The following GAS2 variants were observed in gnomAD, a reference collection of about 807,000 sequenced individuals.
GAS2 encodes the protein growth arrest specific 2.
In GAS2, 20 loss-of-function variants were observed where a neutral mutation model predicts 37.5. That is an observed-to-expected ratio of 0.53 (90% CI 0.37 to 0.77). The LOEUF is 0.77. Ranked by LOEUF, GAS2 falls within the 30% of genes least tolerant of loss-of-function variation. The pLI is 0.00. For missense variants in GAS2, 336 were observed against 373.4 expected, an observed-to-expected ratio of 0.90 and a Z score of 0.82; for synonymous variants, 144 against 132.2, an observed-to-expected ratio of 1.09 and a Z score of -0.61.
chr11:22,724,438 T>C (rs1156661477), intron 3 of GAS2, among the ~76,000 whole-genome samples: 1 of 152,016 alleles, frequency 6.6e-6, no homozygotes, highest in Non-Finnish European at 1.5e-5. Flanking sequence ...CTATTTTATG[T>C]GTAGAATATA....
intron 7 of GAS2, among the ~76,000 whole-genome samples, chr11:22,758,544 C>T (rs1160394702): frequency 1.3e-5 from 2 of 152,098 alleles, no homozygotes; most frequent in Non-Finnish European, 2.9e-5. Context: ...TCACTTAAGG[C>T]TAATGAGACT....
At chr11:22,668,245 C>G (rs1396065453) in intron 1 of GAS2, 1 of 152,460 alleles carries the variant, frequency 6.6e-6, no homozygotes, top group African/African-American at 2.4e-5. Context: ...AACTCCTTCT[C>G]AAGGAATGCT....
chr11:22,745,577 G>A (rs1458726081), intron 5 of GAS2, among the ~76,000 whole-genome samples: 5 of 152,062 alleles, frequency 3.3e-5, no homozygotes, highest in South Asian at 2.1e-4. Flanking sequence ...CAATTGCAAC[G>A]AAAACAAAAA....
At chr11:22,759,672 T>C (rs905043141) in intron 7 of GAS2, among the ~76,000 whole-genome samples, 5 of 152,322 alleles carry the variant, frequency 3.3e-5, no homozygotes, top group African/African-American at 1.2e-4. Context: ...ACAGCGATGA[T>C]AAAACCTTCT....
chr11:22,751,730 T>A (rs1354913600), intron 6 of GAS2, among the ~76,000 whole-genome samples: 1 of 151,884 alleles, frequency 6.6e-6, no homozygotes, highest in East Asian at 1.9e-4. Flanking sequence ...TATCTGGCAA[T>A]CCTTGAGATG....
chr11:22,798,161 A>C (rs200597346), intron 7 of GAS2, among the ~76,000 whole-genome samples: 2 of 152,078 alleles, frequency 1.3e-5, no homozygotes, highest in Non-Finnish European at 2.9e-5. Context: ...AATGCAAACC[A>C]CTTAGAGTTG....
At chr11:22,650,782 T>C (rs2133830953) in intron 1 of GAS2, among the ~76,000 whole-genome samples, 1 of 152,336 alleles carries the variant, frequency 6.6e-6, no homozygotes, top group South Asian at 2.1e-4. Flanking sequence ...TAGATCTTCC[T>C]CCATCCTTTT....
rs1471968085 is a variant in GAS2 at position 22,641,218 on chromosome 11, A to ATATATG, written c.-21+15406_-21+15407insATATGT. Among the ~76,000 whole-genome samples, 727 of 142,176 alleles carry ATATATG rather than the reference A, an allele frequency of 5.1e-3. 10 individuals carry two copies. Among genetic ancestry groups the ATATATG allele is most frequent in the African/African-American group, 0.017 (662 of 39,146 alleles). 93.3% of individuals were successfully genotyped at this position (142,176 alleles called of 152,430 possible). On this transcript the variant is annotated intron_variant, in intron 1 of 5. Coordinates refer to the GAS2 transcript ENST00000528582. ...TCTTTCTTTATATATATATATATAT[A>ATATATG]TGTGTGTGTGTATATATATATGTGT...
intron 1 of GAS2, among the ~76,000 whole-genome samples, chr11:22,674,487 A>C (rs1385110427): frequency 1.3e-5 from 2 of 152,224 alleles, no homozygotes; most frequent in Non-Finnish European, 2.9e-5. Flanking sequence ...ATGGTTTTAA[A>C]TAGCCCAAAC....
intron 2 of GAS2, among the ~76,000 whole-genome samples, chr11:22,683,473 C>T (rs1185263462): frequency 6.6e-6 from 1 of 152,080 alleles, no homozygotes; most frequent in African/African-American, 2.4e-5. Flanking sequence ...ACCAAGTTAG[C>T]CAAGTTGGTC....
intron 7 of GAS2, among the ~76,000 whole-genome samples, chr11:22,804,196 T>C (rs1219798492): frequency 6.6e-6 from 1 of 151,966 alleles, no homozygotes; most frequent in African/African-American, 2.4e-5. Flanking sequence ...AAACAGAGAA[T>C]GGTTAGAGTC....
intron 5 of GAS2, among the ~76,000 whole-genome samples, chr11:22,743,111 T>TAC (rs1481282761): frequency 6.6e-6 from 1 of 152,048 alleles, no homozygotes; most frequent in Non-Finnish European, 1.5e-5. Context: ...ACCCAGTGAG[T>TAC]TAGTAGCAAA....
At chr11:22,722,111 C>T (rs925726200) in intron 3 of GAS2, among the ~76,000 whole-genome samples, 1 of 151,786 alleles carries the variant, frequency 6.6e-6, no homozygotes, top group African/African-American at 2.4e-5. Flanking sequence ...AATTGGACTC[C>T]AGAGCCCTAC....
chr11:22,789,755 G>A (rs1325643913), intron 7 of GAS2, among the ~76,000 whole-genome samples: 1 of 151,624 alleles, frequency 6.6e-6, no homozygotes, highest in Non-Finnish European at 1.5e-5. Context: ...GTGAGCCACC[G>A]CGCCCGGCCA....
chr11:22,626,076 G>A (rs1169437399), intron 1 of GAS2: 3 of 532,808 alleles, frequency 5.6e-6, no homozygotes, highest in Non-Finnish European at 1.0e-5. Flanking sequence ...AACCACGTGC[G>A]AGATGATGCC....
chr11:22,689,538 G>A, intron 3 of GAS2, among the ~76,000 whole-genome samples: 1 of 152,050 alleles, frequency 6.6e-6, no homozygotes, highest in Non-Finnish European at 1.5e-5. Context: ...AAGATGAAAG[G>A]CCAGAGGGTT....
chr11:22,641,749 A>C (rs369395992), intron 1 of GAS2, among the ~76,000 whole-genome samples: 1 of 152,124 alleles, frequency 6.6e-6, no homozygotes, highest in East Asian at 1.9e-4. Flanking sequence ...TGCCTGAACT[A>C]TCAGCCATTC....
In GAS2 at chr11:22,728,828, G is replaced by A. The variant is rs955909777; in HGVS notation, c.409+2395G>A. Among the ~76,000 whole-genome samples, 17 of 151,140 alleles carry A rather than the reference G, an allele frequency of 1.1e-4. No homozygotes were observed. In the Admixed American group the frequency reaches 1.1e-3, roughly 10 times the overall value. The stretch of plus-strand genomic sequence containing the variant: ...AAATGTTCATGATAATCAGGAGGAA[G>A]GACAATAAGAAGTTCCATTTCCACA... On this transcript the variant is annotated intron_variant, in intron 4 of 7. Coordinates refer to ENST00000454584, the MANE Select transcript of GAS2 (RefSeq NM_001143830.3).
At chr11:22,634,989 G>GGGAGCT (rs1188461658) in intron 1 of GAS2, among the ~76,000 whole-genome samples, 1 of 152,132 alleles carries the variant, frequency 6.6e-6, no homozygotes, top group Non-Finnish European at 1.5e-5. Flanking sequence ...TCTCCTTCAG[G>GGGAGCT]GGAGCTGTGT....
Sources: gnomAD v4.1 joint callset for allele counts (sites outside exome capture counted in the v4.1 genomes callset) on GRCh38, gnomAD v4.1.1 for gene constraint, MANE v1.5 for transcripts, NCBI Gene and HGNC (gene_info 2026-07-23, HGNC 2026-07-21) for gene names.